Variants in LRP1B observed in about 807,000 individuals in gnomAD.
The protein encoded by LRP1B is LDL receptor related protein 1B.
A neutral mutation model predicts 556.6 loss-of-function variants in LRP1B; 217 were observed. That is an observed-to-expected ratio of 0.39 (90% CI 0.35 to 0.44). The LOEUF is 0.44. Ranked by LOEUF, LRP1B falls within the 20% of genes least tolerant of loss-of-function variation. The pLI is 1.00. For missense variants in LRP1B, 5,053 were observed against 5,620.8 expected (o/e 0.90, Z 3.23); for synonymous variants, 2,047 against 1,865.8 (o/e 1.10, Z -2.50).
chr2:141,209,390 C>T (rs186127982), intron 6 of LRP1B, among the ~76,000 whole-genome samples: 4 of 152,292 alleles, frequency 2.6e-5, no homozygotes, highest in African/African-American at 9.6e-5. Flanking sequence ...TCCCCTTCTG[C>T]TGTGATTGTA....
At chr2:140,720,707 C>T (rs1687370617) in intron 35 of LRP1B, among the ~76,000 whole-genome samples, 1 of 152,086 alleles carries the variant, frequency 6.6e-6, no homozygotes, top group African/African-American at 2.4e-5. Context: ...TTAACAAACA[C>T]TTGTTGACCA....
chr2:140,509,376 A>C (rs1412120587), intron 52 of LRP1B, among the ~76,000 whole-genome samples: 1 of 152,154 alleles, frequency 6.6e-6, no homozygotes, highest in Non-Finnish European at 1.5e-5. Flanking sequence ...TTAGAGTCAG[A>C]AACTTAGTAA....
chr2:141,096,629 GGAGAGAGAGAGAGAGAGA>G (rs756327718), intron 7 of LRP1B, among the ~76,000 whole-genome samples: 1,261 of 59,738 alleles, frequency 0.021, 31 homozygotes, highest in Middle Eastern at 0.067. Context: ...GGGGAGAGGG[GGAGAGAGAGAGAGAGAGA>G]GAGAGAGAGA....
chr2:141,622,051 C>A (rs568616152), intron 2 of LRP1B, among the ~76,000 whole-genome samples: 3 of 152,026 alleles, frequency 2.0e-5, no homozygotes, highest in Admixed American at 6.5e-5. Context: ...ATCACCACAC[C>A]CAGCTAATTT....
intron 20 of LRP1B, among the ~76,000 whole-genome samples, chr2:140,943,961 T>C (rs900460638): frequency 6.6e-6 from 1 of 151,814 alleles, no homozygotes; most frequent in Non-Finnish European, 1.5e-5. Flanking sequence ...CAAAATACCA[T>C]ACAAAGGATC....
At chr2:141,386,963 A>T (rs1689855052) in intron 3 of LRP1B, among the ~76,000 whole-genome samples, 1 of 152,046 alleles carries the variant, frequency 6.6e-6, no homozygotes, top group Non-Finnish European at 1.5e-5. Flanking sequence ...CCAAAAAGCA[A>T]ATTTTCATAA....
At chr2:142,054,670 C>T (rs1001199940) in intron 1 of LRP1B, among the ~76,000 whole-genome samples, 26 of 152,088 alleles carry the variant, frequency 1.7e-4, no homozygotes, top group African/African-American at 6.3e-4. Flanking sequence ...AGAGTGGAAG[C>T]TCCTACAGTG....
intron 85 of LRP1B, among the ~76,000 whole-genome samples, chr2:140,273,121 A>G (rs1682536021): frequency 6.6e-6 from 1 of 151,842 alleles, no homozygotes; most frequent in South Asian, 2.1e-4. Context: ...TTTGGCTCAC[A>G]CCATTTCTCA....
intron 2 of LRP1B, among the ~76,000 whole-genome samples, chr2:141,605,074 G>C (rs1222964244): frequency 1.3e-5 from 2 of 151,878 alleles, no homozygotes; most frequent in Non-Finnish European, 2.9e-5. Context: ...AGAGGTTCCT[G>C]GCTGGCAAAG....
chr2:141,161,149 G>A (rs909102815), intron 7 of LRP1B, among the ~76,000 whole-genome samples: 9 of 151,928 alleles, frequency 5.9e-5, no homozygotes, highest in African/African-American at 1.9e-4. Flanking sequence ...GAAAATTAGT[G>A]CAAAATTTTT....
intron 3 of LRP1B, among the ~76,000 whole-genome samples, chr2:141,255,884 C>T (rs1684443113): frequency 6.6e-6 from 1 of 151,894 alleles, no homozygotes; most frequent in South Asian, 2.1e-4. Context: ...AGCAGTGCTA[C>T]ACTTTATGTT....
At chr2:141,472,453 T>TC (rs1243490194) in intron 3 of LRP1B, among the ~76,000 whole-genome samples, 1 of 152,068 alleles carries the variant, frequency 6.6e-6, no homozygotes, top group Non-Finnish European at 1.5e-5. Flanking sequence ...GGCAGGAGAA[T>TC]CACTTGAACC....
chr2:142,107,474 G>A (rs1314504679), intron 1 of LRP1B, among the ~76,000 whole-genome samples: 1 of 152,090 alleles, frequency 6.6e-6, no homozygotes, highest in Non-Finnish European at 1.5e-5. Context: ...ACCAGATGCT[G>A]ACACCTTAAT....
chr2:141,105,716 T>C (rs1212632922), intron 7 of LRP1B, among the ~76,000 whole-genome samples: 5 of 152,198 alleles, frequency 3.3e-5, no homozygotes, highest in African/African-American at 1.2e-4. Context: ...TTAAATAACA[T>C]AAATTGATGG....
At chr2:140,520,711 A>G (rs950833477) in intron 49 of LRP1B, among the ~76,000 whole-genome samples, 3 of 150,522 alleles carry the variant, frequency 2.0e-5, no homozygotes, top group African/African-American at 7.3e-5. Flanking sequence ...AGTGAGCTAC[A>G]GTCAAATGCT....
intron 3 of LRP1B, among the ~76,000 whole-genome samples, chr2:141,310,045 A>G (rs183226114): frequency 1.3e-5 from 2 of 152,144 alleles, no homozygotes; most frequent in East Asian, 3.9e-4. Context: ...GACTAAGGCA[A>G]TTGGTAGAGA....
At chr2:140,492,799 G>T (rs368966742) in intron 56 of LRP1B, 106 bp from the exon 57 acceptor site, 2 of 759,626 alleles carry the variant, frequency 2.6e-6, no homozygotes, top group South Asian at 1.6e-5. Flanking sequence ...ATGCAGTGCT[G>T]ATCTGGTAGC....
intron 7 of LRP1B, among the ~76,000 whole-genome samples, chr2:141,165,344 G>GTTTATTTA (rs113362457): frequency 6.6e-6 from 1 of 151,406 alleles, no homozygotes; most frequent in African/African-American, 2.4e-5. Flanking sequence ...TCTTATTTTT[G>GTTTATTTA]TTTATTTATT....
At chr2:142,061,299 G>A (rs918396501) in intron 1 of LRP1B, among the ~76,000 whole-genome samples, 7 of 151,976 alleles carry the variant, frequency 4.6e-5, no homozygotes, top group African/African-American at 1.7e-4. Flanking sequence ...AAGTCCATCA[G>A]ATGAGGAATT....
Sources: gnomAD v4.1 joint callset for allele counts (sites outside exome capture counted in the v4.1 genomes callset) on GRCh38, gnomAD v4.1.1 for gene constraint, MANE v1.5 for transcripts, NCBI Gene and HGNC (gene_info 2026-07-23, HGNC 2026-07-21) for gene names.